The following NUTM1 variants were observed in gnomAD, a reference collection of about 807,000 sequenced individuals.
NUTM1 encodes NUT midline carcinoma family member 1.
A neutral mutation model predicts 88.7 loss-of-function variants in NUTM1; 39 were observed. The observed-to-expected ratio is 0.44, with a 90% confidence interval of 0.34 to 0.57. NUTM1 has a LOEUF of 0.57. NUTM1 is among the 20% of genes least tolerant of loss of function. NUTM1 has a pLI of 0.01. For synonymous variants in NUTM1, 494 were observed against 538.0 expected, an observed-to-expected ratio of 0.92 and a Z score of 1.13; for missense variants, 1,350 against 1,414.5, an observed-to-expected ratio of 0.95 and a Z score of 0.73.
In NUTM1 at chr15:34,348,121, C is replaced by T. The variant is rs759697467; in HGVS notation, c.253C>T (p.Pro85Ser). 1.5e-5 allele frequency: 25 copies of T among 1,614,074 alleles called. No individual in the cohort carries two copies. In the East Asian group the frequency reaches 5.1e-4, roughly 33 times the overall value. Residue 85 changes from proline to serine, a missense_variant, in exon 3 of 8, where the codon CCA becomes TCA. By Grantham distance (74) the Pro-to-Ser change is moderately conservative (BLOSUM62 -1). Transcript: ENST00000537011. The part of the protein sequence containing the change: ...PQPIMPSVFS[P>S]DNPLMLSAFP... ...GCCCATCATGCCTTCAGTATTCTCT[C>T]CAGACAACCCTCTGATGCTCTCTGC...
chr15:34,344,194 C>A (rs1890539691), intron 1 of NUTM1, among the ~76,000 whole-genome samples: 1 of 149,566 alleles, frequency 6.7e-6, no homozygotes, highest in Non-Finnish European at 1.5e-5. Flanking sequence ...TGCACTCCAG[C>A]CTGGGTCCGT....
chr15:34,355,734 A>G lies in NUTM1; in HGVS notation c.1726A>G (p.Arg576Gly), dbSNP rs773608332. 1 of 1,614,074 alleles carries G rather than the reference A, an allele frequency of 6.2e-7. No homozygotes were observed. The highest frequency in any genetic ancestry group is 1.1e-5 in the South Asian group (1 of 91,054). The change falls in exon 8 of 8, where the codon AGA becomes GGA. Residue 576 changes from arginine to glycine, a missense_variant. Around this residue, in one of 5 missense-constraint regions of NUTM1, gnomAD observed 730 missense variants for 728.8 expected, o/e 1.00. Coordinates refer to ENST00000537011, the MANE Select transcript of NUTM1 (RefSeq NM_001284292.2). This position sits in a 1 kb window ranked among gnomAD's most constrained non-coding sequence, Gnocchi z 4.3. ...GCAGGAGCAAGCCCTAGATAGCCCC[A>G]GAGGGATGCACAGGGATGGGAACAC... ...GGQEQALDSPRGMHRDGNTLP... is the reference protein window; with the variant it reads ...GGQEQALDSPGGMHRDGNTLP...
At position 34,356,188 on chromosome 15, in the gene NUTM1, A is replaced by G. The variant is rs1302060721; in HGVS notation, c.2180A>G (p.Gln727Arg). ...GATGACAGAGGTACCCCCATGGCTC[A>G]GAGTTATGATCAGAATCCTTCCCCT... ...WGDDRGTPMA[Q>R]SYDQNPSPRA... The change falls in exon 8 of 8, where the codon CAG becomes CGG. Residue 727 changes from glutamine (Q) to arginine (R), a missense_variant. Gln to Arg is a conservative substitution (Grantham distance 43). Coordinates refer to ENST00000537011, the MANE Select transcript of NUTM1 (RefSeq NM_001284292.2). The G allele has an allele frequency of 1.9e-6, 3 of 1,609,704 alleles. No homozygotes were observed. The highest frequency in any genetic ancestry group is 2.5e-6 in the Non-Finnish European group (3 of 1,176,780).
chr15:34,346,583 T>G (rs74244098), intron 2 of NUTM1, among the ~76,000 whole-genome samples: 13,256 of 135,934 alleles, frequency 0.098, 1,125 homozygotes, highest in East Asian at 0.26. Context: ...GAATGTATTA[T>G]AAACTGCCTC....
Position 34,348,407 on chromosome 15 carries a change from A to G in NUTM1, c.539A>G (p.Gln180Arg). Residue 180 changes from glutamine to arginine, a missense_variant, in exon 3 of 8, where the codon CAG becomes CGG. Physicochemically the swap from Gln to Arg is conservative, Grantham distance 43. This residue lies in a region of NUTM1 where 399 missense variants were observed against 397.9 expected (regional missense o/e 1.00). Coordinates refer to ENST00000537011, the MANE Select transcript of NUTM1 (RefSeq NM_001284292.2). ...CCCTCTAAGGCTGTTGGTGTCAGCCAGGAGGGTCCTCCAGGCCTTCCGCCT... is the reference window on the plus strand; with the variant it reads ...CCCTCTAAGGCTGTTGGTGTCAGCCGGGAGGGTCCTCCAGGCCTTCCGCCT... ...ILPSKAVGVSQEGPPGLPPQP... is the reference protein window; with the variant it reads ...ILPSKAVGVSREGPPGLPPQP... The G allele has an allele frequency of 6.2e-7, 1 of 1,614,166 alleles. No individual in the cohort carries two copies. Among genetic ancestry groups the G allele is most frequent in the Non-Finnish European group, 8.5e-7 (1 of 1,179,990 alleles).
rs1890692543 is a variant in NUTM1 at position 34,350,874 on chromosome 15, G to GGCTGAGAGCAGTAAGGGCC, written c.938+45_938+63dup. The GGCTGAGAGCAGTAAGGGCC allele has an allele frequency of 3.1e-6, 5 of 1,612,446 alleles. No homozygotes were observed. The South Asian group carries it at 5.5e-5, about 18-fold the overall frequency. ...TTCATTCTCCTGAGGGAGGCTGTGTGGCTGAGAGCAGTAAGGGCCGCAGAG... is the reference window on the plus strand; with the variant it reads ...TTCATTCTCCTGAGGGAGGCTGTGTGGCTGAGAGCAGTAAGGGCCGCTGAGAGCAGTAAGGGCCGCAGAG... On this transcript the variant is annotated intron_variant, in intron 4 of 7. Coordinates refer to ENST00000537011, the MANE Select transcript of NUTM1 (RefSeq NM_001284292.2).
intron 3 of NUTM1, among the ~76,000 whole-genome samples, chr15:34,348,948 G>C (rs1161477620): frequency 6.6e-6 from 1 of 152,174 alleles, no homozygotes; most frequent in Non-Finnish European, 1.5e-5. Flanking sequence ...TTCATTTACA[G>C]ATAAGAAGAC....
At position 34,356,662 on chromosome 15, in the gene NUTM1, C is replaced by A; in HGVS notation, c.2654C>A (p.Thr885Asn). 6.2e-7 allele frequency: 1 copy of A among 1,613,846 alleles called. No individual in the cohort carries two copies. Among genetic ancestry groups the A allele is most frequent in the Non-Finnish European group, 8.5e-7 (1 of 1,179,968 alleles). ...GDSTLGSSKE[T>N]LPPTCQGNLL... is the part of the protein sequence containing the mutation. ...TCCACACTGGGGTCTTCCAAAGAAA[C>A]CCTTCCACCCACATGCCAAGGCAAT... is the stretch of plus-strand genomic sequence containing the variant. The change falls in exon 8 of 8, where the codon ACC becomes AAC. Residue 885 changes from threonine (T) to asparagine (N), a missense_variant. Transcript: ENST00000537011.
intron 4 of NUTM1, among the ~76,000 whole-genome samples, chr15:34,352,784 C>T (rs72722512): frequency 0.47 from 69,841 of 149,222 alleles, 16,871 homozygotes; most frequent in Non-Finnish European, 0.54. Context: ...TCATCCTGGG[C>T]GACAGAGTGA....
In NUTM1 at chr15:34,356,526, A is replaced by G. The variant is rs1207604652; in HGVS notation, c.2518A>G (p.Asn840Asp). 2 of 1,614,072 alleles carry G rather than the reference A, an allele frequency of 1.2e-6. No individual in the cohort carries two copies. Among genetic ancestry groups the G allele is most frequent in the African/African-American group, 1.3e-5 (1 of 75,024 alleles). ...YCSLPGPLRA[N>D]SPPLRSKENQ... ...CAGCTTGCCAGGACCTTTGAGGGCC[A>G]ACAGCCCACCCTTGAGGTCCAAAGA... is the stretch of plus-strand genomic sequence containing the variant. The change falls in exon 8 of 8, where the codon AAC (asparagine) becomes GAC (aspartate). Residue 840 changes from asparagine to aspartate, a missense_variant. Coordinates refer to ENST00000537011, the MANE Select transcript of NUTM1 (RefSeq NM_001284292.2).
chr15:34,346,406 T>G (rs1392206159), intron 2 of NUTM1, among the ~76,000 whole-genome samples: 1 of 151,328 alleles, frequency 6.6e-6, no homozygotes, highest in Non-Finnish European at 1.5e-5. Context: ...TCATCTGTCT[T>G]TTTTAGGCAA....
intron 4 of NUTM1, among the ~76,000 whole-genome samples, chr15:34,352,911 A>G (rs1890735532): frequency 1.7e-5 from 2 of 117,162 alleles, no homozygotes; most frequent in African/African-American, 6.2e-5. Flanking sequence ...TTTGAGACAA[A>G]GTCTCACACT....
At position 34,357,330 on chromosome 15, in the gene NUTM1, G is replaced by A. The variant is rs758634448; in HGVS notation, c.3322G>A (p.Gly1108Ser). 1 of 1,614,166 alleles carries A rather than the reference G, an allele frequency of 6.2e-7. No individual in the cohort carries two copies. The highest frequency in any genetic ancestry group is 8.5e-7 in the Non-Finnish European group (1 of 1,180,024). ...GTCTGGGAAGCGAGCTCTAGCTGGA[G>A]GTCCAGCCCCTACTGAAAAGACACC... Reference protein sequence around the residue: ...AKSGKRALAGGPAPTEKTPHS... With the variant: ...AKSGKRALAGSPAPTEKTPHS... The change falls in exon 8 of 8, where the codon GGT becomes AGT. Residue 1108 changes from glycine (G) to serine (S), a missense_variant. By Grantham distance (56) the Gly-to-Ser change is moderately conservative. Transcript: ENST00000537011.
In NUTM1 at chr15:34,356,445, G is replaced by A; in HGVS notation, c.2437G>A (p.Val813Met). Residue 813 changes from valine (V) to methionine (M), a missense_variant, in exon 8 of 8, where the codon GTG (valine) becomes ATG (methionine). By Grantham distance (21) the Val-to-Met change is conservative (BLOSUM62 1). This residue lies in a region of NUTM1 where 730 missense variants were observed against 728.8 expected (regional missense o/e 1.00). Transcript: ENST00000537011. ...TLVPGDTESS[V>M]IPCGGTVAAA... Reference sequence around the variant, plus strand: ...AGTACCTGGGGATACGGAGAGCAGTGTGATTCCCTGTGGAGGCACAGTTGC... The same window carrying A: ...AGTACCTGGGGATACGGAGAGCAGTATGATTCCCTGTGGAGGCACAGTTGC... 2 of 1,612,164 alleles carry A rather than the reference G, an allele frequency of 1.2e-6. No homozygotes were observed. Among genetic ancestry groups the A allele is most frequent in the Non-Finnish European group, 1.7e-6 (2 of 1,178,884 alleles).
chr15:34,357,647 G>C lies in NUTM1; in HGVS notation c.*156G>C, dbSNP rs1302785879. On this transcript the variant is annotated 3_prime_UTR_variant, in exon 8 of 8. Transcript: ENST00000537011. ...TGCAAAAGTGGCAAGCATGGAGAGA[G>C]AGGTCAGACTGGCTAGGCTGCAGGG... 5 of 1,385,728 alleles carry C rather than the reference G, an allele frequency of 3.6e-6. No homozygotes were observed. Among genetic ancestry groups the C allele is most frequent in the Non-Finnish European group, 5.1e-6 (5 of 986,166 alleles). The allele number at this position is 1,385,728 out of a possible 1,614,324, so 85.8% of individuals were successfully genotyped here.
In NUTM1 at chr15:34,355,914, G is replaced by T; in HGVS notation, c.1906G>T (p.Gly636Trp). 1 of 1,613,886 alleles carries T rather than the reference G, an allele frequency of 6.2e-7. No homozygotes were observed. Among genetic ancestry groups the T allele is most frequent in the Non-Finnish European group, 8.5e-7 (1 of 1,179,896 alleles). ...DGHLGGAGPP[G>W]HCLVADRTSE... ...CCATCTAGGAGGCGCTGGGCCTCCT[G>T]GGCACTGCCTGGTGGCTGATAGGAC... Residue 636 changes from glycine (G) to tryptophan (W), a missense_variant, in exon 8 of 8, where the codon GGG becomes TGG. Coordinates refer to ENST00000537011, the MANE Select transcript of NUTM1 (RefSeq NM_001284292.2). The surrounding 1 kb of genome is among the most constrained non-coding windows in gnomAD (Gnocchi z 4.3).
chr15:34,348,018 G>GT lies in NUTM1; in HGVS notation c.151dup (p.Ser51PhefsTer14). On this transcript the variant is annotated frameshift_variant, in exon 3 of 8. Transcript: ENST00000537011. LOFTEE classifies it high-confidence loss of function. ...TGAGCATGAAACCTAGTGCCGCCCC[G>GT]TCTCCATCCCCTGCACTTCCCTTTC... 2 of 1,613,648 alleles carry GT rather than the reference G, an allele frequency of 1.2e-6. No individual in the cohort carries two copies. Among genetic ancestry groups the GT allele is most frequent in the Non-Finnish European group, 1.7e-6 (2 of 1,179,792 alleles).
rs117348679 is a variant in NUTM1 at position 34,357,673 on chromosome 15, G to A, written c.*182G>A. 10,963 of 1,127,134 alleles carry A rather than the reference G, an allele frequency of 9.7e-3. 72 individuals carry two copies. The highest frequency in any genetic ancestry group is 0.013 in the Non-Finnish European group (9,884 of 756,350). The allele number at this position is 1,127,134 out of a possible 1,614,324, so 69.8% of individuals were successfully genotyped here. ...AGGTCAGACTGGCTAGGCTGCAGGG[G>A]GAATTACCTTTGGAAGGAGCTATAT... is the stretch of plus-strand genomic sequence containing the variant. On this transcript the variant is annotated 3_prime_UTR_variant, in exon 8 of 8. Coordinates refer to ENST00000537011, the MANE Select transcript of NUTM1 (RefSeq NM_001284292.2).
chr15:34,350,841 G>C lies in NUTM1; in HGVS notation c.938+9G>C, dbSNP rs750453873. ...TATGAGATGGCAGAAAGGTGAGTTC[G>C]ATGAACCTTCATTCTCCTGAGGGAG... On this transcript the variant is annotated intron_variant, in intron 4 of 7. Coordinates refer to ENST00000537011, the MANE Select transcript of NUTM1 (RefSeq NM_001284292.2). The C allele has an allele frequency of 6.2e-7, 1 of 1,613,918 alleles. No individual in the cohort carries two copies. Among genetic ancestry groups the C allele is most frequent in the Non-Finnish European group, 8.5e-7 (1 of 1,179,876 alleles).
Sources: allele counts gnomAD v4.1 joint callset (sites outside exome capture counted in the v4.1 genomes callset), GRCh38; gene constraint gnomAD v4.1.1; regional missense constraint gnomAD v4.1.1; non-coding constraint Gnocchi (gnomAD v3.1); transcripts MANE v1.5; gene names NCBI Gene and HGNC (gene_info 2026-07-23, HGNC 2026-07-21).